PACS1: variants seen among roughly 807,000 people sequenced by gnomAD.
The protein encoded by PACS1 is phosphofurin acidic cluster sorting protein 1.
PACS1 carries 24 observed loss-of-function variants against 115.0 expected under a neutral mutation model. The observed-to-expected ratio is 0.21, with a 90% CI of 0.15 to 0.29. PACS1 has a LOEUF of 0.29. Ranked by LOEUF, PACS1 falls within the 10% of genes least tolerant of loss-of-function variation. PACS1 has a pLI of 1.00. For missense variants in PACS1, 838 were observed against 1,251.2 expected (o/e 0.67, Z 4.98); for synonymous variants, 453 against 504.5 (o/e 0.90, Z 1.37).
chr11:66,201,080 G>A (rs1030177480), intron 2 of PACS1, among the ~76,000 whole-genome samples: 6 of 152,220 alleles, frequency 3.9e-5, no homozygotes, highest in East Asian at 1.9e-4. Context: ...TTAGCTGGGC[G>A]TGGTGGCAGG....
chr11:66,219,527 C>G, intron 7 of PACS1: 2 of 674,638 alleles, frequency 3.0e-6, no homozygotes, highest in Non-Finnish European at 5.4e-6. Flanking sequence ...TGGGGATAGA[C>G]ATTCCTTCTC....
In PACS1 at chr11:66,236,242, G is replaced by A. The variant is rs1407052037; in HGVS notation, c.2250+302G>A. Among the ~76,000 whole-genome samples the A allele has an allele frequency of 6.6e-6, 1 of 152,220 alleles. No homozygotes were observed. Among genetic ancestry groups the A allele is most frequent in the Non-Finnish European group, 1.5e-5 (1 of 68,040 alleles). ...GTGGAGAAACCCTGGGCCGGACATG[G>A]ATTGGGCTGTCCCTTTTAGTGTCCG... On this transcript the variant is annotated intron_variant, in intron 19 of 23. Transcript: ENST00000320580. The surrounding 1 kb of genome is among the most constrained non-coding windows in gnomAD (Gnocchi z 4.2).
intron 1 of PACS1, among the ~76,000 whole-genome samples, chr11:66,156,429 G>GA (rs1375039689): frequency 6.6e-6 from 1 of 151,196 alleles, no homozygotes. Flanking sequence ...GTTTTTAGTA[G>GA]AGATGGGGTT....
chr11:66,154,263 C>G (rs897135072), intron 1 of PACS1, among the ~76,000 whole-genome samples: 1 of 152,052 alleles, frequency 6.6e-6, no homozygotes, highest in Non-Finnish European at 1.5e-5. Context: ...ATAGTGAGAT[C>G]CCATCTCTGC....
intron 1 of PACS1, among the ~76,000 whole-genome samples, chr11:66,078,055 A>G (rs1316751701): frequency 6.6e-6 from 1 of 152,170 alleles, no homozygotes; most frequent in Admixed American, 6.5e-5. Context: ...GTTTAGTGCT[A>G]GCTTCAACAA....
intron 1 of PACS1, among the ~76,000 whole-genome samples, chr11:66,083,325 G>A (rs927635993): frequency 2.0e-5 from 3 of 151,878 alleles, no homozygotes; most frequent in Non-Finnish European, 2.9e-5. Flanking sequence ...TTCATTAAAC[G>A]CATGTAATGT....
intron 1 of PACS1, among the ~76,000 whole-genome samples, chr11:66,112,448 C>T (rs1405581251): frequency 6.6e-6 from 1 of 152,230 alleles, no homozygotes; most frequent in Non-Finnish European, 1.5e-5. Flanking sequence ...TCAGCGCAGA[C>T]AGGCCTTCCC....
intron 2 of PACS1, among the ~76,000 whole-genome samples, chr11:66,200,123 G>C (rs1854749499): frequency 6.6e-6 from 1 of 152,148 alleles, no homozygotes; most frequent in Admixed American, 6.5e-5. Context: ...GCTGAGGTGA[G>C]AGTATTGCTT....
At chr11:66,185,478 C>T (rs1210876414) in intron 1 of PACS1, among the ~76,000 whole-genome samples, 1 of 152,150 alleles carries the variant, frequency 6.6e-6, no homozygotes, top group Non-Finnish European at 1.5e-5. Context: ...GGCTGGAGAA[C>T]CCCAGCTGTC....
chr11:66,086,134 CT>C (rs1196106929), intron 1 of PACS1, among the ~76,000 whole-genome samples: 4,924 of 122,784 alleles, frequency 0.04, 56 homozygotes, highest in East Asian at 0.14. Flanking sequence ...CTTATGATTT[CT>C]TTTTTTTTTT....
intron 4 of PACS1, among the ~76,000 whole-genome samples, 178 bp from the exon 5 acceptor site, chr11:66,215,940 AT>A (rs1254096348): frequency 6.8e-6 from 1 of 148,132 alleles, no homozygotes; most frequent in African/African-American, 2.5e-5. Context: ...AATAATAATA[AT>A]AATAATAATA....
rs1855613547 is a variant in PACS1 at position 66,232,313 on chromosome 11, G to C, written c.1731+37G>C. 3.2e-6 allele frequency: 4 copies of C among 1,262,302 alleles called. No homozygotes were observed. The South Asian group carries it at 4.8e-5, about 15-fold the overall frequency. 78.2% of individuals were successfully genotyped at this position (1,262,302 alleles called of 1,614,324 possible). On this transcript the variant is annotated intron_variant, in intron 14 of 23. Coordinates refer to ENST00000320580, the MANE Select transcript of PACS1 (RefSeq NM_018026.4). ...AACTGCGAGGCCATGTGGGGTCCTG[G>C]AGGGCAGGCAATGCCCGGTTGCATT...
At chr11:66,237,508 T>C (rs1325191890) in intron 19 of PACS1, among the ~76,000 whole-genome samples, 1 of 152,244 alleles carries the variant, frequency 6.6e-6, no homozygotes, top group African/African-American at 2.4e-5. Context: ...TCTCAGGAGA[T>C]ACCTGAGCTG....
At position 66,173,091 on chromosome 11, in the gene PACS1, G is replaced by GGTTT. The variant is rs201056842; in HGVS notation, c.357-20395_357-20394insGTTT. On this transcript the variant is annotated intron_variant, in intron 1 of 23. Coordinates refer to ENST00000320580, the MANE Select transcript of PACS1 (RefSeq NM_018026.4). ...TATCTTAAAATGTTTTTTGATTTTG[G>GGTTT]TTTTTTTTTTTTGTTTTTTTTTGTA... Among the ~76,000 whole-genome samples, 7 of 142,470 alleles carry GGTTT rather than the reference G, an allele frequency of 4.9e-5. No homozygotes were observed. In the East Asian group the frequency reaches 6.0e-4, roughly 12 times the overall value. 93.5% of individuals were successfully genotyped at this position (142,470 alleles called of 152,430 possible). A position where few individuals can be genotyped will look rare whatever the true frequency, so the allele number is the denominator to read the frequency against.
Position 66,167,772 on chromosome 11 carries a change from A to T in PACS1, c.357-25714A>T, listed in dbSNP as rs566509119. ...GTTTATTTTTTTTCCCAGTTATTGA[A>T]ATACTGCCTTTTTCTTATATTGTTT... On this transcript the variant is annotated intron_variant, in intron 1 of 23. Coordinates refer to ENST00000320580, the MANE Select transcript of PACS1 (RefSeq NM_018026.4). Among the ~76,000 whole-genome samples the T allele has an allele frequency of 4.0e-5, 6 of 150,032 alleles. No individual in the cohort carries two copies. In the South Asian group the frequency reaches 1.2e-3, roughly 31 times the overall value.
chr11:66,188,729 T>C (rs1854448456), intron 1 of PACS1, among the ~76,000 whole-genome samples: 2 of 152,130 alleles, frequency 1.3e-5, no homozygotes, highest in Non-Finnish European at 2.9e-5. Context: ...CTGAGACTAC[T>C]TCGTTACAAT....
chr11:66,183,681 G>A (rs1860054515), intron 1 of PACS1, among the ~76,000 whole-genome samples: 1 of 152,208 alleles, frequency 6.6e-6, no homozygotes, highest in African/African-American at 2.4e-5. Context: ...GCCAGTGGTA[G>A]AAGAAACCAG....
intron 12 of PACS1, 25 bp downstream of exon 12, chr11:66,230,688 G>A: frequency 6.2e-7 from 1 of 1,610,132 alleles, no homozygotes; most frequent in Non-Finnish European, 8.5e-7. Flanking sequence ...AAGGAAGCAG[G>A]GGGTACAGCC....
intron 1 of PACS1, among the ~76,000 whole-genome samples, chr11:66,112,966 T>C (rs1309543468): frequency 6.6e-6 from 1 of 152,224 alleles, no homozygotes; most frequent in Admixed American, 6.5e-5. Context: ...AGCACATACT[T>C]AGGATTCCAT....
Sources: gnomAD v4.1 joint callset for allele counts (sites outside exome capture counted in the v4.1 genomes callset) on GRCh38, gnomAD v4.1.1 for gene constraint, Gnocchi (gnomAD v3.1) non-coding constraint, MANE v1.5 for transcripts, NCBI Gene and HGNC (gene_info 2026-07-23, HGNC 2026-07-21) for gene names.